The following PGAP6 variants were observed in gnomAD, a reference collection of about 807,000 sequenced individuals.
The protein encoded by PGAP6 is post-GPI attachment to proteins factor 6.
A neutral mutation model predicts 68.4 loss-of-function variants in PGAP6; 62 were observed. The ratio of observed to expected loss-of-function variants is 0.91; its 90% confidence interval spans 0.74 to 1.12. The LOEUF (loss-of-function observed/expected upper bound fraction) is 1.12, where lower values mean the gene tolerates loss of function less well. PGAP6 is among the 50% of genes most tolerant of loss of function. The pLI is 0.00. For synonymous variants in PGAP6, 575 were observed against 474.0 expected (o/e 1.21, Z -2.77); for missense variants, 1,188 against 1,068.5 (o/e 1.11, Z -1.56).
Position 376,152 on chromosome 16 carries a change from G to A in PGAP6, c.1208C>T (p.Ser403Phe), listed in dbSNP as rs868204449. ...GMDSGGSLTI[S>F]LRANKTEMRN... Reference sequence around the variant, plus strand: ...AGCAGGTACCTTGTTGGCCCGCAGGGAGATGGTGAGGGAACCCCCGCTGTC... The same window carrying A: ...AGCAGGTACCTTGTTGGCCCGCAGGAAGATGGTGAGGGAACCCCCGCTGTC... Residue 403 changes from serine to phenylalanine, a missense_variant, in exon 6 of 13, where the codon TCC becomes TTC. By Grantham distance (155) the Ser-to-Phe change is radical. Transcript: ENST00000431232. 6 of 1,605,510 alleles carry A rather than the reference G, an allele frequency of 3.7e-6. No homozygotes were observed. The highest frequency in any genetic ancestry group is 4.3e-6 in the Non-Finnish European group (5 of 1,174,948).
intron 1 of PGAP6, among the ~76,000 whole-genome samples, chr16:379,686 G>T (rs527354039): frequency 1.3e-5 from 2 of 152,304 alleles, no homozygotes; most frequent in South Asian, 2.1e-4. Context: ...AACCCAGCTG[G>T]TGGCTGTGAA....
At chr16:372,306 T>C in intron 12 of PGAP6, 23 bp from the exon 13 acceptor site, 3 of 1,598,856 alleles carry the variant, frequency 1.9e-6, no homozygotes, top group Non-Finnish European at 1.7e-6. Flanking sequence ...GCCACGCAGG[T>C]ATCAGTGCAG....
chr16:377,075 G>A lies in PGAP6; in HGVS notation c.597C>T (p.Pro199=), dbSNP rs1381591804. ...GATGGGAGAGGAGGGTCTGAGGAAGGGGCACGTCCGGCTCCATGATGGAAA... is the reference window on the plus strand; with the variant it reads ...GATGGGAGAGGAGGGTCTGAGGAAGAGGCACGTCCGGCTCCATGATGGAAA... ...VEISIMEPDV[P]LPQTLLSHPS... is the part of the protein sequence containing the mutation. Residue 199 remains proline (P), a synonymous_variant, in exon 4 of 13, where the codon CCC becomes CCT. Transcript: ENST00000431232. 3.7e-6 allele frequency: 6 copies of A among 1,613,494 alleles called. No individual in the cohort carries two copies. Among genetic ancestry groups the A allele is most frequent in the East Asian group, 4.5e-5 (2 of 44,884 alleles).
chr16:380,065 A>G (rs1032980646), intron 1 of PGAP6, among the ~76,000 whole-genome samples: 1 of 152,120 alleles, frequency 6.6e-6, no homozygotes, highest in Non-Finnish European at 1.5e-5. Context: ...AACGCCACAG[A>G]GCACTTACTC....
intron 11 of PGAP6, among the ~76,000 whole-genome samples, chr16:373,579 C>T (rs1168434320): frequency 6.6e-6 from 1 of 152,190 alleles, no homozygotes; most frequent in African/African-American, 2.4e-5. Flanking sequence ...CTTTTGTCAC[C>T]CAGGCTGGAG....
Position 375,571 on chromosome 16 carries a change from C to T in PGAP6, c.1225-136G>A, listed in dbSNP as rs1308467663. 39 of 729,760 alleles carry T rather than the reference C, an allele frequency of 5.3e-5. No homozygotes were observed. The Admixed American group carries it at 5.8e-4, about 11-fold the overall frequency. 45.2% of individuals were successfully genotyped at this position (729,760 alleles called of 1,614,324 possible). ...TTTCTGAGATGGAGTCTTGCTCTGT[C>T]GCCCAGGCTGGAGGGCAGTGCCGCG... On this transcript the variant is annotated intron_variant, in intron 6 of 12. Coordinates refer to ENST00000431232, the MANE Select transcript of PGAP6 (RefSeq NM_021259.3).
chr16:381,543 C>A (rs1190151816), intron 1 of PGAP6, among the ~76,000 whole-genome samples, 158 bp downstream of exon 1: 1 of 152,036 alleles, frequency 6.6e-6, no homozygotes, highest in African/African-American at 2.4e-5. Context: ...GGACACGAAG[C>A]GCCCCAAAGG....
At position 374,850 on chromosome 16, in the gene PGAP6, G is replaced by A. The variant is rs1251968777; in HGVS notation, c.1482C>T (p.Tyr494=). Residue 494 remains tyrosine (Y), a synonymous_variant, in exon 9 of 13, where the codon TAC becomes TAT. Coordinates refer to ENST00000431232, the MANE Select transcript of PGAP6 (RefSeq NM_021259.3). The part of the protein sequence containing the change: ...QAVVHVETTL[Y]LVPCLNDCGP... ...CACAATCGTTCAAACAGGGCACCAG[G>A]TACAAGGTGGTCTCCACGTGGACCA... is the stretch of plus-strand genomic sequence containing the variant. 9 of 1,612,910 alleles carry A rather than the reference G, an allele frequency of 5.6e-6. No individual in the cohort carries two copies. The highest frequency in any genetic ancestry group is 2.2e-5 in the East Asian group (1 of 44,904).
rs1436748628 is a variant in PGAP6 at position 372,059 on chromosome 16, G to A, written c.2244C>T (p.Ala748=). The change falls in exon 13 of 13, where the codon GCC becomes GCT. Residue 748 remains alanine (A), a synonymous_variant. Transcript: ENST00000431232. ...PPPDQPAEPW[A]CSQKFPCHYQ... Reference sequence around the variant, plus strand: ...AGTGGCAGGGGAATTTCTGCGAGCAGGCCCAGGGCTCGGCGGGCTGGTCAG... The same window carrying A: ...AGTGGCAGGGGAATTTCTGCGAGCAAGCCCAGGGCTCGGCGGGCTGGTCAG... 2 of 1,612,682 alleles carry A rather than the reference G, an allele frequency of 1.2e-6. No homozygotes were observed. Among genetic ancestry groups the A allele is most frequent in the East Asian group, 2.2e-5 (1 of 44,860 alleles).
In PGAP6 at chr16:377,110, C is replaced by G. The variant is rs199981550; in HGVS notation, c.562G>C (p.Val188Leu). The part of the protein sequence containing the change: ...VFQPELLVTR[V>L]VEISIMEPDV... ...GGCTCCATGATGGAAATCTCGACCA[C>G]CCGCGTGACCAGCAGTTCAGGCTGG... The change falls in exon 4 of 13, where the codon GTG becomes CTG. Residue 188 changes from valine (V) to leucine (L), a missense_variant. Physicochemically the swap from Val to Leu is conservative, Grantham distance 32 (BLOSUM62 1). Transcript: ENST00000431232. 6.2e-7 allele frequency: 1 copy of G among 1,613,514 alleles called. No homozygotes were observed. The highest frequency in any genetic ancestry group is 8.5e-7 in the Non-Finnish European group (1 of 1,180,018).
rs776851432 is a variant in PGAP6, at chr16:376,736, G to T, written c.712C>A (p.Pro238Thr). Residue 238 changes from proline to threonine, a missense_variant, in exon 5 of 13, where the codon CCC (proline) becomes ACC (threonine). Pro to Thr is a conservative substitution (Grantham distance 38). Transcript: ENST00000431232. ...ACCGGGCCCACGGTGAGACGCACGG[G>T]GCAGCCCAGGCTCCCATTGGACACG... ...DCVSNGSLGCPVRLTVGPVTL... is the reference protein window; with the variant it reads ...DCVSNGSLGCTVRLTVGPVTL... 6.2e-7 allele frequency: 1 copy of T among 1,611,472 alleles called. No individual in the cohort carries two copies. Among genetic ancestry groups the T allele is most frequent in the African/African-American group, 1.3e-5 (1 of 74,904 alleles).
In PGAP6 at chr16:381,951, G is replaced by A. The variant is rs2054443892; in HGVS notation, c.-130C>T. ...TGCCCCCGGCGCCCATGGCCCGGCC[G>A]GTCCCCGCCGCCGTCGCCCCGGGCA... On this transcript the variant is annotated 5_prime_UTR_variant, in exon 1 of 13. Transcript: ENST00000431232. 4 of 973,874 alleles carry A rather than the reference G, an allele frequency of 4.1e-6. No homozygotes were observed. Among genetic ancestry groups the A allele is most frequent in the Non-Finnish European group, 4.9e-6 (4 of 821,184 alleles). 60.3% of individuals were successfully genotyped at this position (973,874 alleles called of 1,614,324 possible). A position where few individuals can be genotyped will look rare whatever the true frequency, so the allele number is the denominator to read the frequency against.
chr16:376,620 C>T lies in PGAP6; in HGVS notation c.828G>A (p.Arg276=), dbSNP rs752584755. 1.3e-6 allele frequency: 2 copies of T among 1,597,884 alleles called. No individual in the cohort carries two copies. Reference sequence around the variant, plus strand: ...GGCTCTCAGCTGTCACTTGCAGCCACCGGTCCCAGGGCGGTGAGGGCAGCA... The same window carrying T: ...GGCTCTCAGCTGTCACTTGCAGCCATCGGTCCCAGGGCGGTGAGGGCAGCA... The part of the protein sequence containing the change: ...RLLLPSPPWD[R]WLQVTAESLV... Residue 276 remains arginine (R), a synonymous_variant, in exon 5 of 13, where the codon CGG becomes CGA. Transcript: ENST00000431232.
upstream of PGAP6, chr16:382,129 C>G: frequency 2.9e-6 from 1 of 349,326 alleles, no homozygotes; most frequent in Non-Finnish European, 5.1e-6. Context: ...GGGGACGGAC[C>G]GGGGCGCGCG....
chr16:373,944 C>G, intron 11 of PGAP6, 61 bp downstream of exon 11: 1 of 1,518,922 alleles, frequency 6.6e-7, no homozygotes, highest in Non-Finnish European at 8.8e-7. Flanking sequence ...CTGCCTTTCG[C>G]AGGCTGCACT....
rs757234800 is a variant in PGAP6 at position 377,150 on chromosome 16, G to T, written c.522C>A (p.Thr174=). The change falls in exon 4 of 13, where the codon ACC becomes ACA. Residue 174 remains threonine (T), a synonymous_variant. Transcript: ENST00000431232. The part of the protein sequence containing the change: ...QKIELKGLAP[T]CAYVFQPELL... ...GTTCAGGCTGGAAGACGTAGGCACAGGTGGGAGCCAAGCCCTAGGGAAAGA... is the reference window on the plus strand; with the variant it reads ...GTTCAGGCTGGAAGACGTAGGCACATGTGGGAGCCAAGCCCTAGGGAAAGA... 2 of 1,613,554 alleles carry T rather than the reference G, an allele frequency of 1.2e-6. No individual in the cohort carries two copies. Among genetic ancestry groups the T allele is most frequent in the East Asian group, 4.5e-5 (2 of 44,892 alleles).
At chr16:374,705 T>C in intron 9 of PGAP6, 51 bp downstream of exon 9, 2 of 1,605,378 alleles carry the variant, frequency 1.2e-6, no homozygotes, top group Non-Finnish European at 1.7e-6. Context: ...AGCACAGCAC[T>C]GGAAGCCAAC....
chr16:375,051 G>A (rs997466627), intron 8 of PGAP6, 82 bp downstream of exon 8: 22 of 1,583,962 alleles, frequency 1.4e-5, no homozygotes, highest in Middle Eastern at 3.4e-4. Context: ...CACTCCGAAC[G>A]CCAACCTCAG....
Position 372,195 on chromosome 16 carries a change from G to A in PGAP6, c.2108C>T (p.Ser703Phe). ...GGAGGTGTAGATGGCGATGCCCACA[G>A]AGGCCATAGAGACGCCGGGCAGGAG... ...FYLLPGVSMASVGIAIYTSMM... is the reference protein window; with the variant it reads ...FYLLPGVSMAFVGIAIYTSMM... The change falls in exon 13 of 13, where the codon TCT becomes TTT. Residue 703 changes from serine to phenylalanine, a missense_variant. Physicochemically the swap from Ser to Phe is radical, Grantham distance 155. Transcript: ENST00000431232. 3.1e-6 allele frequency: 5 copies of A among 1,612,740 alleles called. No individual in the cohort carries two copies. The highest frequency in any genetic ancestry group is 4.2e-6 in the Non-Finnish European group (5 of 1,179,948).
Sources: allele counts gnomAD v4.1 joint callset (sites outside exome capture counted in the v4.1 genomes callset), GRCh38; gene constraint gnomAD v4.1.1; transcripts MANE v1.5; gene names NCBI Gene and HGNC (gene_info 2026-07-23, HGNC 2026-07-21).